Variants in PHC3 observed in about 807,000 individuals in gnomAD.
PHC3 encodes polyhomeotic-like protein 3.
PHC3 carries 13 observed loss-of-function variants against 107.4 expected under a neutral mutation model. The observed-to-expected ratio is 0.12, with a 90% CI of 0.08 to 0.19. PHC3 has a LOEUF of 0.19. Ranked by LOEUF, PHC3 falls within the 10% of genes least tolerant of loss-of-function variation. The pLI is 1.00. For synonymous variants in PHC3, 456 were observed against 427.4 expected (o/e 1.07, Z -0.83); for missense variants, 992 against 1,210.9 (o/e 0.82, Z 2.68).
At chr3:170,114,234 C>T (rs1340619385) in intron 10 of PHC3, among the ~76,000 whole-genome samples, 1 of 152,152 alleles carries the variant, frequency 6.6e-6, no homozygotes, top group Non-Finnish European at 1.5e-5. Context: ...ATCTCGAACT[C>T]CCAACCTCAG....
At chr3:170,159,327 C>T (rs1008493714) in intron 4 of PHC3, among the ~76,000 whole-genome samples, 20 of 145,654 alleles carry the variant, frequency 1.4e-4, no homozygotes, top group East Asian at 4.0e-4. Flanking sequence ...AATAGAAAAA[C>T]GGAATATTAG....
At chr3:170,172,082 G>C (rs571861726) in intron 3 of PHC3, among the ~76,000 whole-genome samples, 20 of 152,100 alleles carry the variant, frequency 1.3e-4, no homozygotes, top group Non-Finnish European at 2.4e-4. Flanking sequence ...AAAATTTCTG[G>C]AGAAATATGT....
rs759274339 is a variant in PHC3 at position 170,128,768 on chromosome 3, C to A, written c.1704G>T (p.Gln568His). ...GAGGAGGAAGAGTCTGAAATGGCAA[C>A]TGGACCAAAGCTTCTGCAGCTGGAA... is the stretch of plus-strand genomic sequence containing the variant. ...EELPAAEALV[Q>H]LPFQTLPPPQ... Residue 568 changes from glutamine to histidine, a missense_variant, in exon 8 of 15, where the codon CAG becomes CAT. Gln to His is a conservative substitution (Grantham distance 24, BLOSUM62 0). Around this residue, in one of 6 missense-constraint regions of PHC3, gnomAD observed 543 missense variants for 590.8 expected, o/e 0.92. Coordinates refer to ENST00000495893, the MANE Select transcript of PHC3 (RefSeq NM_024947.4). The A allele has an allele frequency of 2.5e-6, 4 of 1,613,894 alleles. No homozygotes were observed. Among genetic ancestry groups the A allele is most frequent in the Admixed American group, 3.3e-5 (2 of 60,006 alleles).
In PHC3 at chr3:170,147,979, CTG is replaced by C. The variant is rs796299208; in HGVS notation, c.573+1105_573+1106del. 90 of 152,168 alleles carry C rather than the reference CTG, an allele frequency of 5.9e-4. 1 individual carries two copies. Among genetic ancestry groups the C allele is most frequent in the African/African-American group, 2.1e-3 (87 of 41,540 alleles). 9.4% of individuals were successfully genotyped at this position (152,168 alleles called of 1,614,324 possible). A position where few individuals can be genotyped will look rare whatever the true frequency, so the allele number is the denominator to read the frequency against. On this transcript the variant is annotated intron_variant, in intron 5 of 14. Coordinates refer to ENST00000495893, the MANE Select transcript of PHC3 (RefSeq NM_024947.4). Reference sequence around the variant, plus strand: ...AAACTTTGCAATTTTAGATAGAAAACTGAAGATCCAAGCCAGGTGTGGTGGTT... The same window carrying C: ...AAACTTTGCAATTTTAGATAGAAAACAAGATCCAAGCCAGGTGTGGTGGTT...
chr3:170,111,744 G>A (rs545054556), intron 11 of PHC3, among the ~76,000 whole-genome samples: 5 of 144,798 alleles, frequency 3.5e-5, no homozygotes, highest in Middle Eastern at 3.4e-3. Context: ...TTCACATGTT[G>A]CAACAGTTTA....
At chr3:170,178,514 G>A (rs1730887052) in intron 2 of PHC3, among the ~76,000 whole-genome samples, 1 of 152,200 alleles carries the variant, frequency 6.6e-6, no homozygotes, top group Admixed American at 6.5e-5. Flanking sequence ...GAGGCAATAA[G>A]ACGGCCCTCG....
chr3:170,137,202 A>T (rs1432765405), intron 6 of PHC3, among the ~76,000 whole-genome samples: 1 of 152,102 alleles, frequency 6.6e-6, no homozygotes, highest in Non-Finnish European at 1.5e-5. Flanking sequence ...CAACTCTTTT[A>T]ATTTAGTAAA....
intron 9 of PHC3, among the ~76,000 whole-genome samples, chr3:170,118,119 TA>T (rs1719416353): frequency 6.6e-6 from 1 of 151,812 alleles, no homozygotes; most frequent in Non-Finnish European, 1.5e-5. Context: ...TGATGTTTCT[TA>T]ATTTTAAGCT....
chr3:170,135,155 G>A (rs993089525), intron 7 of PHC3, among the ~76,000 whole-genome samples: 6 of 152,050 alleles, frequency 3.9e-5, no homozygotes, highest in African/African-American at 1.4e-4. Context: ...TTGTTTGTTT[G>A]TTTGTTTGTT....
At position 170,094,516 on chromosome 3, in the gene PHC3, G is replaced by A. The variant is rs1424585222; in HGVS notation, c.*2714C>T. ...TATTAGTAGTAGTATGAAAGGATATGAAAACAATTTACTCTCCCCACCTAT... is the reference window on the plus strand; with the variant it reads ...TATTAGTAGTAGTATGAAAGGATATAAAAACAATTTACTCTCCCCACCTAT... On this transcript the variant is annotated 3_prime_UTR_variant, in exon 15 of 15. Coordinates refer to ENST00000495893, the MANE Select transcript of PHC3 (RefSeq NM_024947.4). The A allele has an allele frequency of 6.6e-6, 1 of 152,130 alleles. No individual in the cohort carries two copies. The highest frequency in any genetic ancestry group is 1.5e-5 in the Non-Finnish European group (1 of 68,030). The allele number at this position is 152,130 out of a possible 1,614,324, so 9.4% of individuals were successfully genotyped here.
intron 11 of PHC3, among the ~76,000 whole-genome samples, chr3:170,110,346 AC>A (rs146185277): frequency 0.012 from 1,865 of 151,968 alleles, 30 homozygotes; most frequent in African/African-American, 0.042. Flanking sequence ...ACTTCCCACT[AC>A]CCCTCTAATC....
intron 7 of PHC3, among the ~76,000 whole-genome samples, chr3:170,133,789 T>C (rs576213589): frequency 2.0e-5 from 3 of 152,172 alleles, no homozygotes; most frequent in African/African-American, 4.8e-5. Context: ...TATCACACTA[T>C]TAATGAAAGA....
intron 6 of PHC3, among the ~76,000 whole-genome samples, chr3:170,142,148 C>G (rs1724217097): frequency 6.6e-6 from 1 of 151,998 alleles, no homozygotes; most frequent in African/African-American, 2.4e-5. Context: ...TGAAACAATT[C>G]AGTAAATGAA....
chr3:170,129,515 T>G lies in PHC3; in HGVS notation c.957A>C (p.Lys319Asn). The part of the protein sequence containing the change: ...YSPIQPHSLI[K>N]HQQIPLHSPP... ...GTGAATGAAGAGGAATCTGCTGATGTTTTATTAGAGAATGAGGCTGAATTG... is the reference window on the plus strand; with the variant it reads ...GTGAATGAAGAGGAATCTGCTGATGGTTTATTAGAGAATGAGGCTGAATTG... The change falls in exon 8 of 15, where the codon AAA (lysine) becomes AAC (asparagine). Residue 319 changes from lysine (K) to asparagine (N), a missense_variant. Physicochemically the swap from Lys to Asn is moderately conservative, Grantham distance 94. This residue lies in a region of PHC3 where 543 missense variants were observed against 590.8 expected (regional missense o/e 0.92). Transcript: ENST00000495893. The G allele has an allele frequency of 1.2e-6, 2 of 1,613,708 alleles. No individual in the cohort carries two copies. The highest frequency in any genetic ancestry group is 2.2e-5 in the South Asian group (2 of 91,060).
chr3:170,136,595 C>T lies in PHC3; in HGVS notation c.743G>A (p.Ser248Asn). 2 of 1,613,654 alleles carry T rather than the reference C, an allele frequency of 1.2e-6. No homozygotes were observed. The highest frequency in any genetic ancestry group is 1.7e-6 in the Non-Finnish European group (2 of 1,179,782). Residue 248 changes from serine to asparagine, a missense_variant, in exon 7 of 15, where the codon AGC becomes AAC. By Grantham distance (46) the Ser-to-Asn change is conservative (BLOSUM62 1). Around this residue, in one of 6 missense-constraint regions of PHC3, gnomAD observed 543 missense variants for 590.8 expected, o/e 0.92. Transcript: ENST00000495893. ...LSSSQNGPPK[S>N]TSQTQSLTIC... ...TGTCAATGACTGAGTTTGACTAGTG[C>T]TTTTTGGTGGACCATTCTGTGAGCT...
At chr3:170,116,736 C>T (rs565780213) in intron 10 of PHC3, among the ~76,000 whole-genome samples, 20 of 151,976 alleles carry the variant, frequency 1.3e-4, no homozygotes, top group East Asian at 3.9e-4. Context: ...ACGGCAAGAC[C>T]TTGTCTCTAC....
In PHC3 at chr3:170,095,867, T is replaced by C. The variant is rs966383504; in HGVS notation, c.*1363A>G. 2 of 152,182 alleles carry C rather than the reference T, an allele frequency of 1.3e-5. No individual in the cohort carries two copies. The highest frequency in any genetic ancestry group is 1.9e-4 in the East Asian group (1 of 5,206). The allele number at this position is 152,182 out of a possible 1,614,324, so 9.4% of individuals were successfully genotyped here. ...TTCCTCAAACATGTACATACAAAAT[T>C]ATATCCGATGGTTCAAGAGAAATCA... On this transcript the variant is annotated 3_prime_UTR_variant, in exon 15 of 15. Coordinates refer to ENST00000495893, the MANE Select transcript of PHC3 (RefSeq NM_024947.4).
rs1377674646 is a variant in PHC3 at position 170,178,852 on chromosome 3, G to C, written c.101C>G (p.Thr34Ser). Reference sequence around the variant, plus strand: ...TCGAGAGGAGGAAGTGGTGATGGTGGTGGTGGTGGTACTGCTGGTTGTTGT... The same window carrying C: ...TCGAGAGGAGGAAGTGGTGATGGTGCTGGTGGTGGTACTGCTGGTTGTTGT... ...VSTTTSSTTTTTITTSSSRMQ... is the reference protein window; with the variant it reads ...VSTTTSSTTTSTITTSSSRMQ... The change falls in exon 2 of 15, where the codon ACC becomes AGC. Residue 34 changes from threonine to serine, a missense_variant. This residue lies in a region of PHC3 where 161 missense variants were observed against 183.7 expected (regional missense o/e 0.88). Transcript: ENST00000495893. The C allele has an allele frequency of 6.2e-7, 1 of 1,613,968 alleles. No homozygotes were observed. Among genetic ancestry groups the C allele is most frequent in the Admixed American group, 1.7e-5 (1 of 60,026 alleles).
At chr3:170,102,061 GAA>G (rs1325165407) in intron 14 of PHC3, 1 of 860,598 alleles carries the variant, frequency 1.2e-6, no homozygotes, top group African/African-American at 1.8e-5. Flanking sequence ...GTAAAAAAAA[GAA>G]AAAAGTCTCT....
Sources: gnomAD v4.1 joint callset for allele counts (sites outside exome capture counted in the v4.1 genomes callset) on GRCh38, gnomAD v4.1.1 for gene constraint, gnomAD v4.1.1 regional missense constraint, MANE v1.5 for transcripts, NCBI Gene and HGNC (gene_info 2026-07-23, HGNC 2026-07-21) for gene names.